PPP2R2B: variants seen among roughly 807,000 people sequenced by gnomAD.
The protein encoded by PPP2R2B is protein phosphatase 2 regulatory subunit Bbeta, also known as serine/threonine-protein phosphatase 2A 55 kDa regulatory subunit B beta isoform.
PPP2R2B carries 5 observed loss-of-function variants against 46.0 expected under a neutral mutation model. That is an observed-to-expected ratio of 0.11 (90% confidence interval 0.06 to 0.23). The LOEUF (loss-of-function observed/expected upper bound fraction) is 0.23, where lower values mean the gene tolerates loss of function less well. PPP2R2B is among the 10% of genes least tolerant of loss of function. The pLI, the probability that PPP2R2B is intolerant of heterozygous loss-of-function variation, is 1.00. For synonymous variants in PPP2R2B, 215 were observed against 206.7 expected (o/e 1.04, Z -0.34); for missense variants, 367 against 575.0 (o/e 0.64, Z 3.70).
chr5:146,941,303 A>G (rs1764314852), intron 1 of PPP2R2B, among the ~76,000 whole-genome samples: 3 of 152,168 alleles, frequency 2.0e-5, no homozygotes, highest in African/African-American at 4.8e-5. Context: ...AAAAATACCA[A>G]AACACTTGGG....
At chr5:147,073,047 G>C (rs2151911774) in intron 2 of PPP2R2B, among the ~76,000 whole-genome samples, 1 of 152,322 alleles carries the variant, frequency 6.6e-6, no homozygotes, top group African/African-American at 2.4e-5. Flanking sequence ...CCTCAGGAAA[G>C]TGTACAGTGC....
chr5:147,057,181 C>CA (rs1211507541), upstream of PPP2R2B, among the ~76,000 whole-genome samples: 2 of 152,180 alleles, frequency 1.3e-5, no homozygotes, highest in Non-Finnish European at 2.9e-5. Flanking sequence ...ATTCCCCCAC[C>CA]AGTATGCCAC....
upstream of PPP2R2B, among the ~76,000 whole-genome samples, chr5:147,060,313 T>C (rs938006830): frequency 1.6e-4 from 25 of 152,302 alleles, no homozygotes; most frequent in African/African-American, 5.8e-4. Context: ...AAGGAATCAA[T>C]AGTAAACATG....
chr5:146,842,113 C>T (rs1759686827), intron 2 of PPP2R2B, among the ~76,000 whole-genome samples: 1 of 152,138 alleles, frequency 6.6e-6, no homozygotes, highest in South Asian at 2.1e-4. Flanking sequence ...CAACATCCTC[C>T]CCTTAAAGTA....
chr5:147,005,034 A>G (rs372491520), intron 1 of PPP2R2B, among the ~76,000 whole-genome samples: 1 of 152,278 alleles, frequency 6.6e-6, no homozygotes, highest in East Asian at 1.9e-4. Context: ...TGGCTATCAG[A>G]CAGCTGCCTA....
At position 147,036,326 on chromosome 5, in the gene PPP2R2B, C is replaced by G. The variant is rs575133855; in HGVS notation, c.79+19339G>C. On this transcript the variant is annotated intron_variant, in intron 1 of 8. Transcript: ENST00000336640. ...TAATGGCCTCCAGCTCCATCCATGT[C>G]CCTGAAAAGGACATGATCTCATTCC... is the stretch of plus-strand genomic sequence containing the variant. 3.3e-5 allele frequency among the ~76,000 whole-genome samples: 5 copies of G among 152,248 alleles called. No homozygotes were observed. In the South Asian group the frequency reaches 1.0e-3, roughly 32 times the overall value.
At chr5:146,772,758 G>A (rs1754948486) in intron 2 of PPP2R2B, among the ~76,000 whole-genome samples, 1 of 152,158 alleles carries the variant, frequency 6.6e-6, no homozygotes, top group African/African-American at 2.4e-5. Context: ...CCATAAGTGA[G>A]GTTTCTTTTG....
chr5:146,719,756 T>A (rs1464237488), intron 2 of PPP2R2B, among the ~76,000 whole-genome samples: 1 of 139,822 alleles, frequency 7.2e-6, no homozygotes, highest in East Asian at 1.9e-4. Flanking sequence ...TTATTAACAT[T>A]GCAGTATTAG....
intron 1 of PPP2R2B, among the ~76,000 whole-genome samples, chr5:146,948,144 C>T (rs1764542687): frequency 6.6e-6 from 1 of 152,022 alleles, no homozygotes; most frequent in Non-Finnish European, 1.5e-5. Context: ...CTTTTTGAGA[C>T]TGTCTGTCTC....
chr5:146,826,966 C>T (rs1758619936), intron 2 of PPP2R2B, among the ~76,000 whole-genome samples: 1 of 152,176 alleles, frequency 6.6e-6, no homozygotes, highest in Admixed American at 6.5e-5. Flanking sequence ...CTTACTGGAA[C>T]ACTAGCTCAT....
chr5:146,698,880 A>G (rs1208837349), intron 3 of PPP2R2B, among the ~76,000 whole-genome samples: 1 of 152,072 alleles, frequency 6.6e-6, no homozygotes, highest in Non-Finnish European at 1.5e-5. Flanking sequence ...ATGAGCAAAC[A>G]GCAGGGACTA....
At chr5:146,835,363 T>A (rs1759217317) in intron 2 of PPP2R2B, among the ~76,000 whole-genome samples, 3 of 151,088 alleles carry the variant, frequency 2.0e-5, no homozygotes, top group Admixed American at 1.3e-4. Context: ...TTTCAGGGAG[T>A]GTTTTGATTT....
chr5:147,055,880 C>T (rs920119781), exon 1 of PPP2R2B: 11 of 1,452,366 alleles, frequency 7.6e-6, no homozygotes, highest in African/African-American at 5.7e-5. Flanking sequence ...CTGGGGTGCC[C>T]GAGGAATAAC....
chr5:146,796,006 A>C (rs1756511499), intron 2 of PPP2R2B, among the ~76,000 whole-genome samples: 1 of 152,126 alleles, frequency 6.6e-6, no homozygotes, highest in African/African-American at 2.4e-5. Context: ...ACGTTTTGTC[A>C]CTATTGAACT....
At chr5:146,875,320 T>C (rs575056461) in intron 2 of PPP2R2B, among the ~76,000 whole-genome samples, 1 of 152,234 alleles carries the variant, frequency 6.6e-6, no homozygotes, top group East Asian at 1.9e-4. Flanking sequence ...GTAATTTTCA[T>C]GCTCAGAATT....
chr5:146,886,659 C>T (rs1481606912), intron 1 of PPP2R2B, among the ~76,000 whole-genome samples: 1 of 151,878 alleles, frequency 6.6e-6, no homozygotes, highest in Non-Finnish European at 1.5e-5. Context: ...CCAGAATAAG[C>T]CAACTGCTAC....
intron 2 of PPP2R2B, among the ~76,000 whole-genome samples, chr5:146,874,692 A>G (rs546598215): frequency 6.0e-4 from 91 of 152,226 alleles, no homozygotes; most frequent in Non-Finnish European, 1.1e-3. Flanking sequence ...AATCTAGAAA[A>G]CTCACAGACT....
chr5:146,878,182 ACCATGGT>A lies in PPP2R2B; in HGVS notation c.-118_-112del. The stretch of plus-strand genomic sequence containing the variant: ...GGGGCAGGGGAGCCAGTGGGACTGC[ACCATGGT>A]CCGAGCCTGAGGAGGAGACGGGGAG... On this transcript the variant is annotated 5_prime_UTR_variant, in exon 2 of 10. It removes an upstream start codon present in the reference 5' UTR. Coordinates refer to ENST00000394411, the MANE Select transcript of PPP2R2B (RefSeq NM_181675.4). This position sits in a 1 kb window ranked among gnomAD's most constrained non-coding sequence, Gnocchi z 4.5. 1 of 1,594,420 alleles carries A rather than the reference ACCATGGT, an allele frequency of 6.3e-7. No homozygotes were observed. The highest frequency in any genetic ancestry group is 8.5e-7 in the Non-Finnish European group (1 of 1,169,782).
intron 7 of PPP2R2B, among the ~76,000 whole-genome samples, chr5:146,601,131 A>G (rs936266813): frequency 2.0e-5 from 3 of 152,194 alleles, no homozygotes; most frequent in Non-Finnish European, 2.9e-5. Context: ...CATTCTTCCT[A>G]TGGCTGAATA....
Sources: allele counts gnomAD v4.1 joint callset (sites outside exome capture counted in the v4.1 genomes callset), GRCh38; gene constraint gnomAD v4.1.1; non-coding constraint Gnocchi (gnomAD v3.1); transcripts MANE v1.5; gene names NCBI Gene and HGNC (gene_info 2026-07-23, HGNC 2026-07-21).